The following TRIM7 variants were observed in gnomAD, a reference collection of about 807,000 sequenced individuals.
TRIM7 encodes tripartite motif containing 7.
In TRIM7, 32 loss-of-function variants were observed where a neutral mutation model predicts 37.9. The observed-to-expected ratio is 0.84, with a 90% CI of 0.64 to 1.13. The LOEUF is 1.13. Among genes scored for constraint, TRIM7 ranks in the 50% most tolerant of loss-of-function variants. The probability of loss-of-function intolerance (pLI) is 0.00; values close to 1 mark genes in which losing one functional copy is unlikely to be tolerated. For missense variants in TRIM7, 732 were observed against 714.0 expected (o/e 1.03, Z -0.29); for synonymous variants, 351 against 321.3 (o/e 1.09, Z -0.99).
rs1757741714 is a variant in TRIM7, at chr5:181,205,039, C to T, written c.72G>A (p.Gln24=). Residue 24 remains glutamine (Q), a synonymous_variant, in exon 1 of 7, where the codon CAG becomes CAA. Transcript: ENST00000274773. ...GGCAGATGGAGCACGTCGCCTCGCC[C>T]TGCAGCTCTGCCGCCAGCGCTAGAG... ...AEALALAAEL[Q]GEATCSICLE... The T allele has an allele frequency of 2.1e-6, 3 of 1,425,884 alleles. No homozygotes were observed. The highest frequency in any genetic ancestry group is 2.7e-6 in the Non-Finnish European group (3 of 1,096,312). The allele number at this position is 1,425,884 out of a possible 1,614,324, so 88.3% of individuals were successfully genotyped here.
intron 4 of TRIM7, 74 bp from the exon 5 acceptor site, chr5:181,198,879 G>T: frequency 7.8e-7 from 1 of 1,276,762 alleles, no homozygotes; most frequent in Non-Finnish European, 1.1e-6. Flanking sequence ...TTAGGATGGC[G>T]AGGTCCTCTT....
chr5:181,199,782 CTG>C, intron 3 of TRIM7, 67 bp downstream of exon 3: 1 of 1,514,868 alleles, frequency 6.6e-7, no homozygotes, highest in African/African-American at 1.4e-5. Context: ...AGGACTGACA[CTG>C]TTCTCTAGCT....
intron 6 of TRIM7, chr5:181,197,940 A>G (rs1300699622): frequency 1.3e-5 from 7 of 545,254 alleles, no homozygotes; most frequent in Admixed American, 3.1e-5. Context: ...CAGTCTGAGT[A>G]TCTCGAGGTA....
chr5:181,197,979 C>G, intron 6 of TRIM7: 2 of 603,450 alleles, frequency 3.3e-6, no homozygotes, highest in South Asian at 4.0e-5. Context: ...AACCAACCTG[C>G]AGCATTTGGG....
Position 181,204,838 on chromosome 5 carries a change from C to A in TRIM7, c.273G>T (p.Arg91=), listed in dbSNP as rs772585219. The stretch of plus-strand genomic sequence containing the variant: ...CCACTGCCGCCAGCTGCCGGTTGGG[C>A]CGCAGCTGACTGGGGCGCGCGGGCT... ...CREPARPSQL[R]PNRQLAAVAT... is the part of the protein sequence containing the mutation. Residue 91 remains arginine (R), a synonymous_variant, in exon 1 of 7, where the codon CGG becomes CGT. Transcript: ENST00000274773. The A allele has an allele frequency of 2.4e-5, 33 of 1,362,632 alleles. No individual in the cohort carries two copies. Among genetic ancestry groups the A allele is most frequent in the Admixed American group, 3.7e-5 (1 of 27,268 alleles). The allele number at this position is 1,362,632 out of a possible 1,614,324, so 84.4% of individuals were successfully genotyped here. A position where few individuals can be genotyped will look rare whatever the true frequency, so the allele number is the denominator to read the frequency against.
rs1186882613 is a variant in TRIM7 at position 181,195,434 on chromosome 5, A to C, written c.1268T>G (p.Leu423Arg). The C allele has an allele frequency of 6.2e-7, 1 of 1,606,694 alleles. No individual in the cohort carries two copies. The highest frequency in any genetic ancestry group is 2.2e-5 in the East Asian group (1 of 44,500). ...GCCCTCCTCGGGAGTGAAGGGCGTCAGGCCCTTTCGGCGCACGCTCTCGCG... is the reference window on the plus strand; with the variant it reads ...GCCCTCCTCGGGAGTGAAGGGCGTCCGGCCCTTTCGGCGCACGCTCTCGCG... ...VARESVRRKG[L>R]TPFTPEEGVW... The change falls in exon 7 of 7, where the codon CTG becomes CGG. Residue 423 changes from leucine (L) to arginine (R), a missense_variant. Coordinates refer to ENST00000274773, the MANE Select transcript of TRIM7 (RefSeq NM_203293.3).
At position 181,195,313 on chromosome 5, in the gene TRIM7, C is replaced by T. The variant is rs746878493; in HGVS notation, c.1389G>A (p.Val463=). Residue 463 remains valine, a synonymous_variant, in exon 7 of 7, where the codon GTG becomes GTA. Coordinates refer to ENST00000274773, the MANE Select transcript of TRIM7 (RefSeq NM_203293.3). ...LSCGHLSRVR[V]ALDLEVGAVS... is the part of the protein sequence containing the mutation. ...CGGCTCCCACCTCCAGGTCCAGGGC[C>T]ACCCGCACGCGCGACAGGTGCCCGC... 1.9e-6 allele frequency: 3 copies of T among 1,597,280 alleles called. No homozygotes were observed. The highest frequency in any genetic ancestry group is 2.2e-5 in the South Asian group (2 of 89,102).
At chr5:181,199,138 A>C in intron 3 of TRIM7, 21 bp from the exon 4 acceptor site, 1 of 1,614,166 alleles carries the variant, frequency 6.2e-7, no homozygotes, top group Non-Finnish European at 8.5e-7. Context: ...AGATAGAGGA[A>C]ACCAAATCAG....
At position 181,205,024 on chromosome 5, in the gene TRIM7, G is replaced by A. The variant is rs1276273807; in HGVS notation, c.87C>T (p.Cys29=). Residue 29 remains cysteine (C), a synonymous_variant, in exon 1 of 7, where the codon TGC becomes TGT. Coordinates refer to ENST00000274773, the MANE Select transcript of TRIM7 (RefSeq NM_203293.3). ...LAAELQGEAT[C]SICLELFREP... is the part of the protein sequence containing the mutation. Reference sequence around the variant, plus strand: ...CACGAAAGAGCTCTAGGCAGATGGAGCACGTCGCCTCGCCCTGCAGCTCTG... The same window carrying A: ...CACGAAAGAGCTCTAGGCAGATGGAACACGTCGCCTCGCCCTGCAGCTCTG... 4.1e-6 allele frequency: 6 copies of A among 1,457,574 alleles called. No individual in the cohort carries two copies. The highest frequency in any genetic ancestry group is 5.4e-6 in the Non-Finnish European group (6 of 1,111,972). The allele number at this position is 1,457,574 out of a possible 1,614,324, so 90.3% of individuals were successfully genotyped here.
chr5:181,199,581 G>A (rs954380343), intron 3 of TRIM7: 44 of 548,748 alleles, frequency 8.0e-5, no homozygotes, highest in African/African-American at 5.1e-4. Context: ...AAGTGCATAC[G>A]TGTAGCAAAG....
intron 2 of TRIM7, chr5:181,200,308 CAT>C (rs1757402605): frequency 1.4e-6 from 2 of 1,437,546 alleles, no homozygotes; most frequent in East Asian, 2.5e-5. Context: ...TGCACCCACA[CAT>C]GTCTGTGGAC....
rs1756964744 is a variant in TRIM7 at position 181,194,249 on chromosome 5, C to G, written c.*917G>C. 1.3e-5 allele frequency: 2 copies of G among 152,060 alleles called. No individual in the cohort carries two copies. The highest frequency in any genetic ancestry group is 4.8e-5 in the African/African-American group (2 of 41,414). 9.4% of individuals were successfully genotyped at this position (152,060 alleles called of 1,614,324 possible). ...TGTTTCAAAGTTCCAGAAGCAAAAA[C>G]AAAAAAAGTTCGGGTACAGCGGCTC... On this transcript the variant is annotated 3_prime_UTR_variant, in exon 7 of 7. Transcript: ENST00000274773.
At chr5:181,198,348 A>T in intron 5 of TRIM7, 130 bp from the exon 6 acceptor site, 1 of 983,766 alleles carries the variant, frequency 1.0e-6, no homozygotes, top group Admixed American at 2.0e-5. Flanking sequence ...GTGAACGTGC[A>T]GGCACAGGGC....
chr5:181,200,992 G>A (rs1473683397), intron 2 of TRIM7: 4 of 868,570 alleles, frequency 4.6e-6, no homozygotes, highest in Non-Finnish European at 5.5e-6. Flanking sequence ...AGTGGGGAGG[G>A]TGCACTTCCC....
At chr5:181,200,474 A>T in intron 2 of TRIM7, 1 of 1,138,158 alleles carries the variant, frequency 8.8e-7, no homozygotes, top group African/African-American at 1.6e-5. Flanking sequence ...CCTCAAGCAC[A>T]TTTATTTCAT....
intron 3 of TRIM7, chr5:181,199,493 C>G: frequency 4.2e-6 from 2 of 479,052 alleles, no homozygotes; most frequent in Non-Finnish European, 7.4e-6. Context: ...AATGACTGTT[C>G]TTAACCCATC....
At position 181,200,026 on chromosome 5, in the gene TRIM7, G is replaced by T; in HGVS notation, c.674C>A (p.Ala225Asp). 1 of 1,614,254 alleles carries T rather than the reference G, an allele frequency of 6.2e-7. No homozygotes were observed. Among genetic ancestry groups the T allele is most frequent in the Non-Finnish European group, 8.5e-7 (1 of 1,180,048 alleles). Reference sequence around the variant, plus strand: ...CCGACCCTCCTGCTCCACCAGGAAAGCCCTCAGTGCCTGGAACTCTGCCCC... The same window carrying T: ...CCGACCCTCCTGCTCCACCAGGAAATCCCTCAGTGCCTGGAACTCTGCCCC... Reference protein sequence around the residue: ...KVGAEFQALRAFLVEQEGRLL... With the variant: ...KVGAEFQALRDFLVEQEGRLL... Residue 225 changes from alanine (A) to aspartate (D), a missense_variant, in exon 3 of 7, where the codon GCT (alanine) becomes GAT (aspartate). Physicochemically the swap from Ala to Asp is moderately radical, Grantham distance 126. Coordinates refer to ENST00000274773, the MANE Select transcript of TRIM7 (RefSeq NM_203293.3).
rs940492351 is a variant in TRIM7 at position 181,195,915 on chromosome 5, G to A, written c.1025-238C>T. 22 of 451,236 alleles carry A rather than the reference G, an allele frequency of 4.9e-5. No homozygotes were observed. In the Admixed American group the frequency reaches 8.4e-4, roughly 17 times the overall value. 28.0% of individuals were successfully genotyped at this position (451,236 alleles called of 1,614,324 possible). Reference sequence around the variant, plus strand: ...TCAAACAAATGCAATGTGTGGGCCTGGTTTGAACCCCAATTCAACAGATGG... The same window carrying A: ...TCAAACAAATGCAATGTGTGGGCCTAGTTTGAACCCCAATTCAACAGATGG... On this transcript the variant is annotated intron_variant, in intron 6 of 6. Transcript: ENST00000274773.
chr5:181,203,697 C>A, intron 1 of TRIM7, 57 bp from the exon 2 acceptor site: 1 of 1,547,330 alleles, frequency 6.5e-7, no homozygotes, highest in Non-Finnish European at 8.7e-7. Flanking sequence ...GAAACCCCCA[C>A]CTCTGCCTTC....
Sources: allele counts gnomAD v4.1 joint callset, GRCh38; gene constraint gnomAD v4.1.1; transcripts MANE v1.5; gene names NCBI Gene and HGNC (gene_info 2026-07-23, HGNC 2026-07-21).